The following NTN4 variants were observed in gnomAD, a reference collection of about 807,000 sequenced individuals.
NTN4 encodes netrin-4.
NTN4 carries 32 observed loss-of-function variants against 73.6 expected under a neutral mutation model. The ratio of observed to expected loss-of-function variants is 0.44; its 90% CI spans 0.33 to 0.58. The LOEUF is 0.58. Ranked by LOEUF, NTN4 falls within the 20% of genes least tolerant of loss-of-function variation. The probability of loss-of-function intolerance (pLI) is 0.04; values close to 1 mark genes in which losing one functional copy is unlikely to be tolerated. For synonymous variants in NTN4, 258 were observed against 287.5 expected (o/e 0.90, Z 1.04); for missense variants, 654 against 798.3 (o/e 0.82, Z 2.18).
At chr12:95,665,405 T>G (rs1362536707) in intron 9 of NTN4, among the ~76,000 whole-genome samples, 2 of 152,198 alleles carry the variant, frequency 1.3e-5, no homozygotes, top group African/African-American at 4.8e-5. Flanking sequence ...TCGAAATGAA[T>G]TCAATATTAT....
chr12:95,696,848 C>A (rs1478189387), intron 5 of NTN4, among the ~76,000 whole-genome samples: 1 of 152,124 alleles, frequency 6.6e-6, no homozygotes, highest in Non-Finnish European at 1.5e-5. Flanking sequence ...ATGCTTCAGT[C>A]AGTCCAGCTT....
intron 3 of NTN4, among the ~76,000 whole-genome samples, chr12:95,722,528 A>G (rs937160864): frequency 2.0e-5 from 3 of 152,086 alleles, no homozygotes; most frequent in Non-Finnish European, 4.4e-5. Flanking sequence ...CGGGAGGCTG[A>G]GGTTGAGGAT....
intron 5 of NTN4, among the ~76,000 whole-genome samples, chr12:95,709,827 C>G (rs1272001535): frequency 6.6e-6 from 1 of 152,196 alleles, no homozygotes; most frequent in African/African-American, 2.4e-5. Context: ...GGCACCATGC[C>G]TGGCCTCCAA....
chr12:95,762,193 G>T (rs1004695816), intron 2 of NTN4, among the ~76,000 whole-genome samples: 1 of 152,086 alleles, frequency 6.6e-6, no homozygotes. Flanking sequence ...TCATTCAAGA[G>T]TCTTTATCAG....
chr12:95,733,715 C>T (rs2078754649), intron 3 of NTN4, among the ~76,000 whole-genome samples: 1 of 151,542 alleles, frequency 6.6e-6, no homozygotes, highest in Non-Finnish European at 1.5e-5. Flanking sequence ...ACTGGTGAGA[C>T]TAAGTGGAAT....
intron 2 of NTN4, among the ~76,000 whole-genome samples, chr12:95,778,944 A>G (rs985482795): frequency 6.6e-6 from 1 of 152,224 alleles, no homozygotes; most frequent in African/African-American, 2.4e-5. Flanking sequence ...GCAGCACATC[A>G]AAACGCTTAC....
intron 5 of NTN4, among the ~76,000 whole-genome samples, chr12:95,699,530 A>G (rs2468362): frequency 0.81 from 123,446 of 152,008 alleles, 50,254 homozygotes; most frequent in South Asian, 0.86. Context: ...TTTGAGTAGA[A>G]TGTGAAGAAT....
At position 95,783,133 on chromosome 12, in the gene NTN4, C is replaced by T. The variant is rs538252486; in HGVS notation, c.585+3806G>A. ...ACAGAGTCCTGATATCCAGGGATGC[C>T]TAGCCCCAGGCCTGTCTGTGCCTTT... is the stretch of plus-strand genomic sequence containing the variant. On this transcript the variant is annotated intron_variant, in intron 2 of 9. Coordinates refer to ENST00000343702, the MANE Select transcript of NTN4 (RefSeq NM_021229.4). Among the ~76,000 whole-genome samples, 3 of 152,338 alleles carry T rather than the reference C, an allele frequency of 2.0e-5. No homozygotes were observed. In the East Asian group the frequency reaches 5.8e-4, roughly 29 times the overall value.
At chr12:95,689,490 A>G (rs1565885317) in intron 5 of NTN4, among the ~76,000 whole-genome samples, 1 of 152,162 alleles carries the variant, frequency 6.6e-6, no homozygotes, top group Non-Finnish European at 1.5e-5. Flanking sequence ...ATCTTTCAAA[A>G]TTCTATATGT....
At position 95,790,588 on chromosome 12, in the gene NTN4, C is replaced by A; in HGVS notation, c.-279G>T. 1 of 262,392 alleles carries A rather than the reference C, an allele frequency of 3.8e-6. No homozygotes were observed. The highest frequency in any genetic ancestry group is 7.2e-6 in the Non-Finnish European group (1 of 139,822). 16.3% of individuals were successfully genotyped at this position (262,392 alleles called of 1,614,324 possible). On this transcript the variant is annotated 5_prime_UTR_variant, in exon 1 of 10. Transcript: ENST00000343702. The surrounding 1 kb of genome is among the most constrained non-coding windows in gnomAD (Gnocchi z 6.5). ...GACCATAGCCGGCCTGGCTGCGCTGCCCCGCGGAGCGGCCCTGCGGGCTCG... is the reference window on the plus strand; with the variant it reads ...GACCATAGCCGGCCTGGCTGCGCTGACCCGCGGAGCGGCCCTGCGGGCTCG...
At chr12:95,710,127 A>G (rs1210265797) in intron 5 of NTN4, among the ~76,000 whole-genome samples, 2 of 152,188 alleles carry the variant, frequency 1.3e-5, no homozygotes, top group East Asian at 1.9e-4. Context: ...AGTAGTCTTA[A>G]GATCTTAAAT....
chr12:95,726,293 A>G (rs4762610), intron 3 of NTN4, among the ~76,000 whole-genome samples: 123,604 of 152,082 alleles, frequency 0.81, 50,348 homozygotes, highest in South Asian at 0.86. Flanking sequence ...TTAATTGCTG[A>G]TACCTGCCAA....
chr12:95,674,154 G>C (rs2078255460), intron 7 of NTN4, among the ~76,000 whole-genome samples: 1 of 137,944 alleles, frequency 7.2e-6, no homozygotes, highest in African/African-American at 2.6e-5. Context: ...AACAAAGTGA[G>C]ACTCTGCCAA....
intron 7 of NTN4, among the ~76,000 whole-genome samples, chr12:95,682,057 C>CGTTTTTTTTTTT (rs2078320305): frequency 1.5e-5 from 1 of 64,544 alleles, no homozygotes. Context: ...ATTCAGTAGG[C>CGTTTTTTTTTTT]TTTTTTTTTT....
At chr12:95,701,322 T>C (rs993178878) in intron 5 of NTN4, among the ~76,000 whole-genome samples, 1 of 152,228 alleles carries the variant, frequency 6.6e-6, no homozygotes, top group African/African-American at 2.4e-5. Context: ...ACGAGTCACT[T>C]TGAGCCTCCA....
chr12:95,713,110 G>T, intron 4 of NTN4, 102 bp downstream of exon 4: 1 of 1,420,078 alleles, frequency 7.0e-7, no homozygotes, highest in Non-Finnish European at 9.6e-7. Context: ...TCTAGTGTTT[G>T]TCACCCACCA....
intron 2 of NTN4, among the ~76,000 whole-genome samples, chr12:95,754,777 T>G (rs2078936929): frequency 6.6e-6 from 1 of 152,018 alleles, no homozygotes. Flanking sequence ...CCACCCCATC[T>G]CCCTTCACTG....
At position 95,725,006 on chromosome 12, in the gene NTN4, A is replaced by AGGATTTTTTTTTTTT. The variant is rs1454896864; in HGVS notation, c.865-11669_865-11668insAAAAAAAAAAAATCC. On this transcript the variant is annotated intron_variant, in intron 3 of 9. Transcript: ENST00000343702. ...ATCTTAGAACAGTGATGTCATCAGG[A>AGGATTTTTTTTTTTT]TTTTTTTTTTTTTTTTGCTTCCCAC... Among the ~76,000 whole-genome samples, 290 of 135,800 alleles carry AGGATTTTTTTTTTTT rather than the reference A, an allele frequency of 2.1e-3. 3 individuals carry two copies. The highest frequency in any genetic ancestry group is 3.4e-3 in the Non-Finnish European group (215 of 62,430). 89.1% of individuals were successfully genotyped at this position (135,800 alleles called of 152,430 possible).
At chr12:95,784,766 C>CA (rs35588650) in intron 2 of NTN4, among the ~76,000 whole-genome samples, 7,881 of 139,056 alleles carry the variant, frequency 0.057, 619 homozygotes, top group African/African-American at 0.18. Flanking sequence ...GACTCAGTCT[C>CA]AAAAAAAAAA....
Sources: allele counts gnomAD v4.1 joint callset (sites outside exome capture counted in the v4.1 genomes callset), GRCh38; gene constraint gnomAD v4.1.1; non-coding constraint Gnocchi (gnomAD v3.1); transcripts MANE v1.5; gene names NCBI Gene and HGNC (gene_info 2026-07-23, HGNC 2026-07-21).